BIRC6: variants seen among roughly 807,000 people sequenced by gnomAD.
BIRC6 encodes the protein dual E2 ubiquitin-conjugating enzyme/E3 ubiquitin-protein ligase BIRC6.
In BIRC6, 98 loss-of-function variants were observed where a neutral mutation model predicts 503.3. The observed-to-expected ratio is 0.19, with a 90% CI of 0.17 to 0.23. BIRC6 has a LOEUF of 0.23. Ranked by LOEUF, BIRC6 falls within the 10% of genes least tolerant of loss-of-function variation. The probability of loss-of-function intolerance (pLI) is 1.00; values close to 1 mark genes in which losing one functional copy is unlikely to be tolerated. For synonymous variants in BIRC6, 2,240 were observed against 2,078.7 expected, an observed-to-expected ratio of 1.08 and a Z score of -2.11; for missense variants, 5,360 against 5,806.0, an observed-to-expected ratio of 0.92 and a Z score of 2.50.
chr2:32,540,342 A>G (rs577990562), intron 61 of BIRC6, among the ~76,000 whole-genome samples: 1 of 152,230 alleles, frequency 6.6e-6, no homozygotes, highest in South Asian at 2.1e-4. Context: ...TGGTTGGAAT[A>G]TCGTAATTCC....
intron 50 of BIRC6, among the ~76,000 whole-genome samples, chr2:32,506,496 A>T (rs192667742): frequency 6.6e-6 from 1 of 152,264 alleles, no homozygotes; most frequent in South Asian, 2.1e-4. Flanking sequence ...ATATAAGTCA[A>T]TGTAAGACTT....
intron 33 of BIRC6, among the ~76,000 whole-genome samples, chr2:32,475,711 G>A (rs1418489875): frequency 6.6e-6 from 1 of 151,986 alleles, no homozygotes; most frequent in African/African-American, 2.4e-5. Context: ...AGAGATTTCT[G>A]TATTATTTCT....
intron 66 of BIRC6, among the ~76,000 whole-genome samples, chr2:32,583,969 C>T (rs763227223): frequency 3.9e-5 from 6 of 152,216 alleles, no homozygotes; most frequent in Admixed American, 2.0e-4. Flanking sequence ...TGACCTCAGG[C>T]GATCTGCCCA....
intron 9 of BIRC6, among the ~76,000 whole-genome samples, chr2:32,411,412 TA>T (rs1437828784): frequency 8.1e-5 from 12 of 148,326 alleles, no homozygotes; most frequent in African/African-American, 2.9e-4. Context: ...TATATATATA[TA>T]TATATTTTAT....
intron 23 of BIRC6, among the ~76,000 whole-genome samples, chr2:32,457,353 T>C (rs555163142): frequency 3.4e-4 from 52 of 152,226 alleles, no homozygotes; most frequent in Non-Finnish European, 6.5e-4. Context: ...CATGATTTTT[T>C]ATATGTACTA....
At chr2:32,483,055 G>A (rs1228735056) in intron 39 of BIRC6, among the ~76,000 whole-genome samples, 1 of 151,312 alleles carries the variant, frequency 6.6e-6, no homozygotes, top group African/African-American at 2.4e-5. Context: ...GTAGCTGGGA[G>A]TATAGGTGCA....
chr2:32,401,998 T>G (rs564985262), intron 8 of BIRC6, among the ~76,000 whole-genome samples: 2 of 152,322 alleles, frequency 1.3e-5, no homozygotes, highest in East Asian at 1.9e-4. Flanking sequence ...CAGTTTCCGT[T>G]TTTTCATTAG....
intron 10 of BIRC6, 134 bp from the exon 11 acceptor site, chr2:32,429,012 G>A (rs1052113698): frequency 5.3e-6 from 4 of 756,380 alleles, no homozygotes; most frequent in African/African-American, 1.8e-5. Flanking sequence ...CTAAACTCTT[G>A]GAAATACATC....
chr2:32,617,971 T>TA lies in BIRC6; in HGVS notation c.*68dup. On this transcript the variant is annotated 3_prime_UTR_variant, in exon 74 of 74. Transcript: ENST00000421745. ...CACAAGCCAAATATGTCAATATTTG[T>TA]ATGTAAGAAACTAATTATGTAATAG... 1 of 1,427,252 alleles carries TA rather than the reference T, an allele frequency of 7.0e-7. No homozygotes were observed. The highest frequency in any genetic ancestry group is 9.5e-7 in the Non-Finnish European group (1 of 1,048,278). The allele number at this position is 1,427,252 out of a possible 1,614,324, so 88.4% of individuals were successfully genotyped here.
chr2:32,389,084 A>G (rs556863251), intron 4 of BIRC6, 141 bp downstream of exon 4: 36 of 595,084 alleles, frequency 6.0e-5, no homozygotes, highest in Admixed American at 5.1e-4. Flanking sequence ...AAAAAAATCA[A>G]TATGAATTAG....
intron 61 of BIRC6, among the ~76,000 whole-genome samples, chr2:32,540,439 C>T (rs1195088135): frequency 2.0e-5 from 3 of 151,908 alleles, no homozygotes; most frequent in Non-Finnish European, 4.4e-5. Context: ...GTGAGCACGT[C>T]CTTATTAGAG....
intron 22 of BIRC6, among the ~76,000 whole-genome samples, chr2:32,450,606 T>A (rs914660032): frequency 6.6e-6 from 1 of 152,212 alleles, no homozygotes; most frequent in Non-Finnish European, 1.5e-5. Flanking sequence ...ATGATACTTA[T>A]ATCTTTCTTA....
At position 32,448,908 on chromosome 2, in the gene BIRC6, A is replaced by G. The variant is rs1263155505; in HGVS notation, c.4598A>G (p.Asp1533Gly). 9.3e-6 allele frequency: 15 copies of G among 1,612,686 alleles called. No individual in the cohort carries two copies. The highest frequency in any genetic ancestry group is 1.3e-5 in the Non-Finnish European group (15 of 1,179,530). The change falls in exon 22 of 74, where the codon GAT becomes GGT. Residue 1533 changes from aspartate to glycine, a missense_variant. By Grantham distance (94) the Asp-to-Gly change is moderately conservative (BLOSUM62 -1). Coordinates refer to ENST00000421745, the MANE Select transcript of BIRC6 (RefSeq NM_016252.4). ...ATTGGTGTCCAGTCAGATGAAATTGATTTATCAGATGTCCTTTCAGGTAGT... is the reference window on the plus strand; with the variant it reads ...ATTGGTGTCCAGTCAGATGAAATTGGTTTATCAGATGTCCTTTCAGGTAGT... ...SSIGVQSDEI[D>G]LSDVLSGNGK...
rs533129340 is a variant in BIRC6 at position 32,380,087 on chromosome 2, AT to A, written c.508-63del. 144 of 1,163,148 alleles carry A rather than the reference AT, an allele frequency of 1.2e-4. 2 individuals are homozygous for A. The South Asian group carries it at 2.2e-3, about 18-fold the overall frequency. The allele number at this position is 1,163,148 out of a possible 1,614,324, so 72.1% of individuals were successfully genotyped here. On this transcript the variant is annotated intron_variant, in intron 2 of 73. Transcript: ENST00000421745. ...TTAAAATATCTGAAAGAGGATCTGAATTTAATTTTTTGTTGTTCTTGTGTTG... is the reference window on the plus strand; with the variant it reads ...TTAAAATATCTGAAAGAGGATCTGAATTAATTTTTTGTTGTTCTTGTGTTG...
In BIRC6 at chr2:32,515,030, G is replaced by A; in HGVS notation, c.10609G>A (p.Val3537Ile). The A allele has an allele frequency of 6.2e-7, 1 of 1,613,676 alleles. No homozygotes were observed. Among genetic ancestry groups the A allele is most frequent in the Non-Finnish European group, 8.5e-7 (1 of 1,179,788 alleles). ...NWSMSLPCNM[V>I]LKKAVDSLLC... ...GTCCATGTCTCTTCCCTGCAATATGGTTTTGAAGAAAGCTGTTGACAGTCT... is the reference window on the plus strand; with the variant it reads ...GTCCATGTCTCTTCCCTGCAATATGATTTTGAAGAAAGCTGTTGACAGTCT... The change falls in exon 55 of 74, where the codon GTT (valine) becomes ATT (isoleucine). Residue 3537 changes from valine to isoleucine, a missense_variant. Physicochemically the swap from Val to Ile is conservative, Grantham distance 29. Transcript: ENST00000421745.
intron 66 of BIRC6, among the ~76,000 whole-genome samples, chr2:32,592,119 C>A (rs773308527): frequency 6.6e-6 from 1 of 152,184 alleles, no homozygotes; most frequent in Non-Finnish European, 1.5e-5. Flanking sequence ...GTACACTATA[C>A]TCTCCTTATA....
chr2:32,357,667 C>T lies in BIRC6; in HGVS notation c.325+181C>T, dbSNP rs564938900. 6.6e-6 allele frequency among the ~76,000 whole-genome samples: 1 copy of T among 152,148 alleles called. No individual in the cohort carries two copies. Among genetic ancestry groups the T allele is most frequent in the South Asian group, 2.1e-4 (1 of 4,820 alleles). ...GGACCTTAGGACTTGGCTTTTTCAG[C>T]GGCTGCAGTTGGGAGGAAAGACCGG... On this transcript the variant is annotated intron_variant, in intron 1 of 73. Transcript: ENST00000421745. The surrounding 1 kb of genome is among the most constrained non-coding windows in gnomAD (Gnocchi z 4.9).
chr2:32,396,726 A>C (rs1377449490), intron 6 of BIRC6, among the ~76,000 whole-genome samples: 1 of 152,116 alleles, frequency 6.6e-6, no homozygotes, highest in Non-Finnish European at 1.5e-5. Flanking sequence ...ATAAAATTGA[A>C]CATTTTTTTT....
chr2:32,446,747 T>TTTG (rs1558748020), intron 21 of BIRC6, among the ~76,000 whole-genome samples: 1 of 130,090 alleles, frequency 7.7e-6, no homozygotes, highest in African/African-American at 2.9e-5. Context: ...TGTTTTTTTT[T>TTTG]TTTTTTTTTT....
Sources: allele counts gnomAD v4.1 joint callset (sites outside exome capture counted in the v4.1 genomes callset), GRCh38; gene constraint gnomAD v4.1.1; non-coding constraint Gnocchi (gnomAD v3.1); transcripts MANE v1.5; gene names NCBI Gene and HGNC (gene_info 2026-07-23, HGNC 2026-07-21).